NCKAP5: variants seen among roughly 807,000 people sequenced by gnomAD.
NCKAP5 encodes the protein NCK associated protein 5.
In NCKAP5, 92 loss-of-function variants were observed where a neutral mutation model predicts 167.0. The ratio of observed to expected loss-of-function variants is 0.55; its 90% CI spans 0.47 to 0.66. The LOEUF (loss-of-function observed/expected upper bound fraction) is 0.66. Ranked by LOEUF, NCKAP5 falls within the 30% of genes least tolerant of loss-of-function variation. The pLI is 0.00. For synonymous variants in NCKAP5, 891 were observed against 877.4 expected, an observed-to-expected ratio of 1.02 and a Z score of -0.27; for missense variants, 2,378 against 2,315.0, an observed-to-expected ratio of 1.03 and a Z score of -0.56.
intron 8 of NCKAP5, among the ~76,000 whole-genome samples, chr2:132,918,325 T>C (rs371579920): frequency 2.5e-4 from 38 of 152,278 alleles, no homozygotes; most frequent in Admixed American, 1.7e-3. Flanking sequence ...ACAGAAGATA[T>C]CAGATATTTA....
chr2:133,064,466 A>T (rs1559103071), intron 6 of NCKAP5, among the ~76,000 whole-genome samples: 1 of 152,126 alleles, frequency 6.6e-6, no homozygotes, highest in Non-Finnish European at 1.5e-5. Context: ...TAAGCAGATA[A>T]TGCCATGTTC....
intron 6 of NCKAP5, among the ~76,000 whole-genome samples, chr2:133,099,764 T>G (rs1053375038): frequency 1.3e-5 from 2 of 152,232 alleles, no homozygotes; most frequent in African/African-American, 4.8e-5. Context: ...CCCTTTTTAT[T>G]GTTACCCCAT....
At chr2:132,868,310 C>T (rs1558877502) in intron 10 of NCKAP5, among the ~76,000 whole-genome samples, 1 of 152,118 alleles carries the variant, frequency 6.6e-6, no homozygotes, top group Admixed American at 6.6e-5. Flanking sequence ...AATTGACCTG[C>T]ATTTACTGTC....
chr2:133,276,538 T>C (rs2089737412), intron 4 of NCKAP5, among the ~76,000 whole-genome samples: 1 of 151,406 alleles, frequency 6.6e-6, no homozygotes, highest in African/African-American at 2.4e-5. Flanking sequence ...CTGTTAGAGA[T>C]AGAAAGATTA....
intron 16 of NCKAP5, among the ~76,000 whole-genome samples, chr2:132,758,022 C>T (rs1431576941): frequency 3.9e-5 from 6 of 152,222 alleles, no homozygotes; most frequent in Non-Finnish European, 5.9e-5. Context: ...CCCCTTTCCT[C>T]CACCAAATCA....
intron 4 of NCKAP5, among the ~76,000 whole-genome samples, chr2:133,231,080 A>G (rs2087125058): frequency 6.6e-6 from 1 of 152,188 alleles, no homozygotes; most frequent in African/African-American, 2.4e-5. Flanking sequence ...CTTATAAATC[A>G]TAGACTACTA....
At chr2:133,606,516 GC>G in the NCKAP5 span, among the ~76,000 whole-genome samples, 1 of 152,114 alleles carries the variant, frequency 6.6e-6, no homozygotes. Context: ...AAAGGCCTGG[GC>G]CCACACTGAA....
chr2:133,109,070 TA>T (rs2081819931), intron 6 of NCKAP5, among the ~76,000 whole-genome samples: 1 of 152,210 alleles, frequency 6.6e-6, no homozygotes, highest in Non-Finnish European at 1.5e-5. Flanking sequence ...GGCTAATTTG[TA>T]AAAGAAGCAA....
intron 8 of NCKAP5, among the ~76,000 whole-genome samples, chr2:132,926,784 C>T (rs953891398): frequency 2.6e-5 from 4 of 151,952 alleles, no homozygotes; most frequent in East Asian, 1.9e-4. Flanking sequence ...CATTCCATGT[C>T]GTAGTCACAA....
chr2:133,400,878 C>T (rs920701885), intron 3 of NCKAP5, among the ~76,000 whole-genome samples: 28 of 152,242 alleles, frequency 1.8e-4, no homozygotes, highest in African/African-American at 6.3e-4. Flanking sequence ...CTCCCTGGCA[C>T]AGAGCTTCTG....
At chr2:132,904,683 A>G (rs1356792038) in intron 8 of NCKAP5, among the ~76,000 whole-genome samples, 4 of 152,194 alleles carry the variant, frequency 2.6e-5, no homozygotes, top group African/African-American at 9.6e-5. Context: ...CATTTTGCCA[A>G]TTTTGTACAC....
At chr2:132,898,611 T>C (rs1316791814) in intron 8 of NCKAP5, among the ~76,000 whole-genome samples, 1 of 152,224 alleles carries the variant, frequency 6.6e-6, no homozygotes, top group Non-Finnish European at 1.5e-5. Flanking sequence ...TGTTGATCCA[T>C]GAGCTGCAGA....
At chr2:133,355,300 G>A (rs1204599741) in intron 3 of NCKAP5, among the ~76,000 whole-genome samples, 1 of 152,142 alleles carries the variant, frequency 6.6e-6, no homozygotes, top group Non-Finnish European at 1.5e-5. Flanking sequence ...TTACTGTTGA[G>A]TATAAATGTG....
intron 5 of NCKAP5, among the ~76,000 whole-genome samples, chr2:133,179,653 T>C (rs534105057): frequency 2.4e-4 from 36 of 152,046 alleles, no homozygotes; most frequent in African/African-American, 8.0e-4. Context: ...GCAAAGAAAT[T>C]AAAGATATAA....
rs578117942 is a variant in NCKAP5, at chr2:133,390,053, A to G, written c.70-86943T>C. Among the ~76,000 whole-genome samples, 3 of 152,306 alleles carry G rather than the reference A, an allele frequency of 2.0e-5. No individual in the cohort carries two copies. In the East Asian group the frequency reaches 5.8e-4, roughly 29 times the overall value. On this transcript the variant is annotated intron_variant, in intron 3 of 19. Transcript: ENST00000409261. The stretch of plus-strand genomic sequence containing the variant: ...ACCCCAGTTCCAAAATATACCCACA[A>G]CTAAGGATGGCAGGTAACATTCATG...
chr2:132,959,160 C>A (rs1486903984), intron 8 of NCKAP5, among the ~76,000 whole-genome samples: 1 of 150,086 alleles, frequency 6.7e-6, no homozygotes, highest in Non-Finnish European at 1.5e-5. Flanking sequence ...GATGCACAGC[C>A]AGGTTTGTCT....
intron 3 of NCKAP5, among the ~76,000 whole-genome samples, chr2:133,473,628 G>A (rs1249655079): frequency 6.6e-6 from 1 of 152,206 alleles, no homozygotes; most frequent in Non-Finnish European, 1.5e-5. Flanking sequence ...TTTGAAATCA[G>A]GGCTCAGTTT....
chr2:133,412,029 T>C (rs999650437), intron 3 of NCKAP5, among the ~76,000 whole-genome samples: 5 of 152,152 alleles, frequency 3.3e-5, no homozygotes, highest in African/African-American at 1.2e-4. Flanking sequence ...GGCAGCTAGC[T>C]CTGCCCTGCA....
At chr2:133,507,577 T>G (rs1386056920) in intron 3 of NCKAP5, among the ~76,000 whole-genome samples, 1 of 152,200 alleles carries the variant, frequency 6.6e-6, no homozygotes, top group Non-Finnish European at 1.5e-5. Flanking sequence ...AACCACTTTT[T>G]GGGCTTAGAG....
Sources: allele counts gnomAD v4.1 joint callset (sites outside exome capture counted in the v4.1 genomes callset), GRCh38; gene constraint gnomAD v4.1.1; transcripts MANE v1.5; gene names NCBI Gene and HGNC (gene_info 2026-07-23, HGNC 2026-07-21).